The following ATR variants were observed in gnomAD, a reference collection of about 807,000 sequenced individuals.
ATR encodes ATR checkpoint kinase.
Under a neutral mutation model 305.3 loss-of-function variants are expected in ATR, and 142 were observed. The observed-to-expected ratio is 0.47, with a 90% CI of 0.41 to 0.53. The LOEUF (loss-of-function observed/expected upper bound fraction) is 0.53, where lower values mean the gene tolerates loss of function less well. ATR is among the 20% of genes least tolerant of loss of function. The pLI is 0.00. For missense variants in ATR, 2,135 were observed against 3,133.1 expected, an observed-to-expected ratio of 0.68 and a Z score of 7.60; for synonymous variants, 1,050 against 1,068.1, an observed-to-expected ratio of 0.98 and a Z score of 0.33.
At chr3:142,471,080 G>T (rs1020151713) in intron 36 of ATR, among the ~76,000 whole-genome samples, 1 of 151,894 alleles carries the variant, frequency 6.6e-6, no homozygotes, top group African/African-American at 2.4e-5. Flanking sequence ...TTGGAACCTC[G>T]TACCTATTAA....
intron 28 of ATR, 62 bp downstream of exon 28, chr3:142,507,869 A>T (rs756790235): frequency 3.4e-4 from 494 of 1,436,278 alleles, no homozygotes; most frequent in Non-Finnish European, 4.5e-4. Context: ...AATGAACAAC[A>T]TAAACATAAA....
rs576316226 is a variant in ATR at position 142,461,776 on chromosome 3, G to C, written c.7192+164C>G. ...TGGAAGGAAGGAAGGAAGGAAGAAA[G>C]GAAGGAAGGGATGGAAACACTTAAG... is the stretch of plus-strand genomic sequence containing the variant. On this transcript the variant is annotated intron_variant, in intron 42 of 46. Transcript: ENST00000350721. 6.6e-5 allele frequency among the ~76,000 whole-genome samples: 10 copies of C among 152,192 alleles called. No individual in the cohort carries two copies. The East Asian group carries it at 1.9e-3, about 29-fold the overall frequency.
In ATR at chr3:142,485,274, G is replaced by A. The variant is rs144362854; in HGVS notation, c.6087C>T (p.Thr2029=). 291 of 1,613,788 alleles carry A rather than the reference G, an allele frequency of 1.8e-4. No individual in the cohort carries two copies. Among genetic ancestry groups the A allele is most frequent in the Non-Finnish European group, 2.3e-4 (268 of 1,179,962 alleles). The change falls in exon 36 of 47, where the codon ACC becomes ACT. Residue 2029 remains threonine, a synonymous_variant. Transcript: ENST00000350721. ...NAIMKKYKDV[T]ACLPEWEDGH... ...CATCCTCCCATTCTGGCAGGCACGC[G>A]GTCACATCCTATAAAAAAGAACATA... is the stretch of plus-strand genomic sequence containing the variant.
chr3:142,569,252 G>A (rs2035181116), intron 1 of ATR, among the ~76,000 whole-genome samples: 1 of 152,176 alleles, frequency 6.6e-6, no homozygotes, highest in African/African-American at 2.4e-5. Context: ...CACCTGCAGT[G>A]GACAAGGGTT....
rs764531436 is a variant in ATR at position 142,578,726 on chromosome 3, T to A, written c.-22A>T. The A allele has an allele frequency of 1.2e-6, 2 of 1,610,394 alleles. No individual in the cohort carries two copies. Among genetic ancestry groups the A allele is most frequent in the Non-Finnish European group, 1.7e-6 (2 of 1,179,094 alleles). ...CCATGCTGAGGCTGCGAGGCACTAG[T>A]CAACCACGCCAACGCGGGTTCCCGG... On this transcript the variant is annotated 5_prime_UTR_variant, in exon 1 of 47. Transcript: ENST00000350721.
rs2031699549 is a variant in ATR at position 142,497,189 on chromosome 3, C to T, written c.5562G>A (p.Leu1854=). 9.3e-6 allele frequency: 15 copies of T among 1,613,670 alleles called. 1 individual carries two copies. The highest frequency in any genetic ancestry group is 2.2e-5 in the East Asian group (1 of 44,886). The change falls in exon 33 of 47, where the codon TTG becomes TTA. Residue 1854 remains leucine, a synonymous_variant. Coordinates refer to ENST00000350721, the MANE Select transcript of ATR (RefSeq NM_001184.4). ...YQRGYEYIVR[L]HMLCELEHSI... ...TATGCTCCAACTCACATAACATGTG[C>T]AATCTGAAGATAGATAGAGCCTATG...
At chr3:142,454,905 G>A (rs989006639) in intron 45 of ATR, among the ~76,000 whole-genome samples, 5 of 152,034 alleles carry the variant, frequency 3.3e-5, no homozygotes, top group East Asian at 1.9e-4. Flanking sequence ...ATGTCTATTC[G>A]ACACTGATTT....
Position 142,538,559 on chromosome 3 carries a change from T to C in ATR, c.3648A>G (p.Ile1216Met). The change falls in exon 19 of 47, where the codon ATA becomes ATG. Residue 1216 changes from isoleucine to methionine, a missense_variant. Transcript: ENST00000350721. ...ACLGSLLSHV[I>M]VALLPLIHIQ... Reference sequence around the variant, plus strand: ...TGTGTATAAGAGGTAACAAAGCTACTATTACATGACTGAGAAGGGAGCCCA... The same window carrying C: ...TGTGTATAAGAGGTAACAAAGCTACCATTACATGACTGAGAAGGGAGCCCA... 6.2e-7 allele frequency: 1 copy of C among 1,613,552 alleles called. No individual in the cohort carries two copies. Among genetic ancestry groups the C allele is most frequent in the Non-Finnish European group, 8.5e-7 (1 of 1,179,640 alleles).
chr3:142,452,039 C>A, intron 46 of ATR: 1 of 1,037,922 alleles, frequency 9.6e-7, no homozygotes, highest in Non-Finnish European at 1.2e-6. Context: ...AAATATTAAT[C>A]TCACCCTACA....
At chr3:142,452,945 T>G in intron 46 of ATR, 183 bp downstream of exon 46, 1 of 1,463,202 alleles carries the variant, frequency 6.8e-7, no homozygotes, top group Non-Finnish European at 9.0e-7. Flanking sequence ...CTGTTAACAT[T>G]ACTGACAATA....
intron 36 of ATR, among the ~76,000 whole-genome samples, chr3:142,482,580 T>C (rs2030583802): frequency 1.3e-5 from 2 of 152,098 alleles, no homozygotes; most frequent in African/African-American, 4.8e-5. Flanking sequence ...ACCTGTAATC[T>C]CAGAGCGTTG....
chr3:142,496,567 T>C (rs746800149), intron 33 of ATR, 47 bp from the exon 34 acceptor site: 1 of 1,571,008 alleles, frequency 6.4e-7, no homozygotes, highest in Admixed American at 1.7e-5. Flanking sequence ...TTGGTAAGTG[T>C]ACACAACAAC....
At chr3:142,466,571 C>T (rs1428668236) in intron 39 of ATR, 38 bp from the exon 40 acceptor site, 3 of 1,556,182 alleles carry the variant, frequency 1.9e-6, no homozygotes, top group South Asian at 2.3e-5. Flanking sequence ...TTGTTTTTAC[C>T]TTAAATTCCA....
intron 3 of ATR, among the ~76,000 whole-genome samples, chr3:142,565,193 C>T (rs1487025484): frequency 1.3e-5 from 2 of 151,878 alleles, no homozygotes; most frequent in Admixed American, 1.3e-4. Context: ...AGTTTAATAG[C>T]CTCTATGATA....
At position 142,522,647 on chromosome 3, in the gene ATR, G is replaced by C. The variant is rs1056537693; in HGVS notation, c.4266+81C>G. 5 of 1,161,148 alleles carry C rather than the reference G, an allele frequency of 4.3e-6. No homozygotes were observed. The African/African-American group carries it at 6.1e-5, about 14-fold the overall frequency. 71.9% of individuals were successfully genotyped at this position (1,161,148 alleles called of 1,614,324 possible). The stretch of plus-strand genomic sequence containing the variant: ...TAAAAGTGAGAATTAAAACAAAAAG[G>C]AGTTTCACAAGTATAGAATTTACAA... On this transcript the variant is annotated intron_variant, in intron 23 of 46. Coordinates refer to ENST00000350721, the MANE Select transcript of ATR (RefSeq NM_001184.4).
rs1479626395 is a variant in ATR, at chr3:142,562,574, T to C, written c.828A>G (p.Leu276=). The change falls in exon 4 of 47, where the codon TTA becomes TTG. Residue 276 remains leucine (L), a synonymous_variant. Coordinates refer to ENST00000350721, the MANE Select transcript of ATR (RefSeq NM_001184.4). ...ASTFFSSFLE[L]LKHLVEMDTD... is the part of the protein sequence containing the mutation. ...TATCCATTTCTACAAGGTGTTTTAA[T>C]AATTCCAAAAATGAGCTGAAAAAAG... 1.2e-6 allele frequency: 2 copies of C among 1,613,868 alleles called. No individual in the cohort carries two copies. Among genetic ancestry groups the C allele is most frequent in the East Asian group, 2.2e-5 (1 of 44,896 alleles).
chr3:142,550,871 G>A (rs998502609), intron 13 of ATR, among the ~76,000 whole-genome samples: 6 of 151,774 alleles, frequency 4.0e-5, no homozygotes, highest in Non-Finnish European at 5.9e-5. Flanking sequence ...CACTGCAACC[G>A]CCACCTCCTG....
intron 26 of ATR, among the ~76,000 whole-genome samples, chr3:142,513,197 G>T (rs1008319920): frequency 2.6e-5 from 4 of 152,170 alleles, no homozygotes; most frequent in Admixed American, 2.6e-4. Context: ...TATAAAAGAT[G>T]TATAAATTTT....
In ATR at chr3:142,469,364, T is replaced by A. The variant is rs2071204515; in HGVS notation, c.6525A>T (p.Ala2175=). 6.2e-7 allele frequency: 1 copy of A among 1,613,716 alleles called. No homozygotes were observed. The highest frequency in any genetic ancestry group is 8.5e-7 in the Non-Finnish European group (1 of 1,179,780). Residue 2175 remains alanine, a synonymous_variant, in exon 38 of 47, where the codon GCA becomes GCT. Coordinates refer to ENST00000350721, the MANE Select transcript of ATR (RefSeq NM_001184.4). ...AKVFLAYPQQ[A]MWMMTAVSKS... is the part of the protein sequence containing the mutation. ...TTGACACAGCTGTCATCATCCACAT[T>A]GCTTGTTGAGGATAGGCTAGAAATA...
Sources: allele counts gnomAD v4.1 joint callset (sites outside exome capture counted in the v4.1 genomes callset), GRCh38; gene constraint gnomAD v4.1.1; transcripts MANE v1.5; gene names NCBI Gene and HGNC (gene_info 2026-07-23, HGNC 2026-07-21).